The following TMEM117 variants were observed in gnomAD, a reference collection of about 807,000 sequenced individuals.
The protein encoded by TMEM117 is transmembrane protein 117.
In TMEM117, 27 loss-of-function variants were observed where a neutral mutation model predicts 52.4. The ratio of observed to expected loss-of-function variants is 0.51; its 90% CI spans 0.38 to 0.71. TMEM117 has a LOEUF of 0.71. TMEM117 is among the 30% of genes least tolerant of loss of function. The pLI is 0.00. For synonymous variants in TMEM117, 215 were observed against 206.3 expected, an observed-to-expected ratio of 1.04 and a Z score of -0.36; for missense variants, 556 against 630.5, an observed-to-expected ratio of 0.88 and a Z score of 1.26.
chr12:44,135,902 G>T (rs1028533780), intron 3 of TMEM117, among the ~76,000 whole-genome samples: 1 of 152,066 alleles, frequency 6.6e-6, no homozygotes, highest in Admixed American at 6.5e-5. Context: ...ATTGAACTTG[G>T]TTTTTGTTCT....
At chr12:44,291,377 T>TGTTTGTTTG (rs1411872755) in intron 5 of TMEM117, among the ~76,000 whole-genome samples, 1 of 141,216 alleles carries the variant, frequency 7.1e-6, no homozygotes, top group African/African-American at 2.8e-5. Context: ...TCTAACAGTT[T>TGTTTGTTTG]TTTTTTTTTT....
chr12:44,099,431 A>G (rs1186393463), intron 3 of TMEM117, among the ~76,000 whole-genome samples: 2 of 152,202 alleles, frequency 1.3e-5, no homozygotes, highest in East Asian at 1.9e-4. Context: ...ACACTTTTCC[A>G]TAAGATGGTA....
At position 43,937,447 on chromosome 12, in the gene TMEM117, G is replaced by A. The variant is rs144585792; in HGVS notation, c.278-6763G>A. Among the ~76,000 whole-genome samples, 193 of 152,268 alleles carry A rather than the reference G, an allele frequency of 1.3e-3. 1 individual carries two copies. Among genetic ancestry groups the A allele is most frequent in the African/African-American group, 4.4e-3 (183 of 41,564 alleles). The stretch of plus-strand genomic sequence containing the variant: ...CACAGTAGTCAAAATTGGAGAAAAC[G>A]AACTGTAGCTGTACATCAGAGTTGG... On this transcript the variant is annotated intron_variant, in intron 2 of 7. Transcript: ENST00000266534.
intron 3 of TMEM117, among the ~76,000 whole-genome samples, chr12:44,059,454 G>A (rs1005359845): frequency 6.6e-6 from 1 of 152,168 alleles, no homozygotes; most frequent in African/African-American, 2.4e-5. Context: ...ATTTGCTGTA[G>A]CAGATGTATT....
the TMEM117 span, among the ~76,000 whole-genome samples, chr12:43,808,463 G>A: frequency 6.6e-6 from 1 of 152,198 alleles, no homozygotes. Flanking sequence ...CAGGAGGGGA[G>A]ATGGATCTTG....
intron 2 of TMEM117, among the ~76,000 whole-genome samples, chr12:43,882,207 A>G (rs1315696995): frequency 6.6e-6 from 1 of 152,166 alleles, no homozygotes; most frequent in Non-Finnish European, 1.5e-5. Flanking sequence ...GTCTTGGCAT[A>G]GAAATATTAT....
chr12:44,397,961 A>G, the TMEM117 span, among the ~76,000 whole-genome samples: 2 of 151,952 alleles, frequency 1.3e-5, no homozygotes, highest in South Asian at 2.1e-4. Flanking sequence ...GCATTTTACC[A>G]TCAGTTACCT....
intron 3 of TMEM117, among the ~76,000 whole-genome samples, chr12:44,086,967 T>G (rs1947579702): frequency 6.8e-6 from 1 of 147,504 alleles, no homozygotes; most frequent in Non-Finnish European, 1.5e-5. Context: ...AATTAATAAT[T>G]ATAAATTATA....
At chr12:43,805,556 A>T in the TMEM117 span, 1 of 459,412 alleles carries the variant, frequency 2.2e-6, no homozygotes, top group Admixed American at 2.3e-5. Flanking sequence ...CCAGGAAATA[A>T]TGGAGGTCAG....
At chr12:43,835,762 C>G (rs567437704), upstream of TMEM117, among the ~76,000 whole-genome samples, 1 of 152,150 alleles carries the variant, frequency 6.6e-6, no homozygotes, top group African/African-American at 2.4e-5. Context: ...GCAGCTGCCG[C>G]TCTGCAGAGG....
chr12:44,075,025 G>T (rs1241783145), intron 3 of TMEM117, among the ~76,000 whole-genome samples: 1 of 152,182 alleles, frequency 6.6e-6, no homozygotes, highest in East Asian at 1.9e-4. Context: ...CTCAGAAGTT[G>T]AGTTTTTTCA....
intron 3 of TMEM117, among the ~76,000 whole-genome samples, chr12:44,016,811 G>C (rs1043465860): frequency 7.2e-5 from 11 of 152,194 alleles, no homozygotes; most frequent in Admixed American, 3.3e-4. Context: ...TATAATTTAG[G>C]TTGCATCAGT....
chr12:43,845,739 G>T (rs537516990), intron 2 of TMEM117, among the ~76,000 whole-genome samples: 38 of 151,054 alleles, frequency 2.5e-4, no homozygotes, highest in African/African-American at 8.5e-4. Flanking sequence ...TCCCCACCCT[G>T]TGTCCAAGTG....
At chr12:43,865,696 C>CAAAAAAAG (rs529414895) in intron 2 of TMEM117, among the ~76,000 whole-genome samples, 9 of 139,626 alleles carry the variant, frequency 6.4e-5, no homozygotes, top group Admixed American at 2.9e-4. Flanking sequence ...GACTCCGTCC[C>CAAAAAAAG]AAAAAAAGAA....
chr12:43,872,065 T>A (rs1943715409), intron 2 of TMEM117, among the ~76,000 whole-genome samples: 1 of 152,104 alleles, frequency 6.6e-6, no homozygotes, highest in African/African-American at 2.4e-5. Context: ...AGCTAATTCC[T>A]TTTTTACTTT....
At chr12:43,906,465 A>AAC (rs1226780732) in intron 2 of TMEM117, among the ~76,000 whole-genome samples, 1 of 151,424 alleles carries the variant, frequency 6.6e-6, no homozygotes, top group Non-Finnish European at 1.5e-5. Context: ...GCTGTCTCAA[A>AAC]AAAAAAAAAA....
intron 3 of TMEM117, among the ~76,000 whole-genome samples, chr12:43,995,852 T>G (rs1447471480): frequency 1.3e-5 from 2 of 152,252 alleles, no homozygotes; most frequent in Non-Finnish European, 2.9e-5. Context: ...GATGTGATTT[T>G]AATGAATCAT....
chr12:44,200,033 G>A lies in TMEM117; in HGVS notation c.511-11257G>A, dbSNP rs1262130141. Among the ~76,000 whole-genome samples the A allele has an allele frequency of 3.3e-5, 5 of 152,146 alleles. No homozygotes were observed. The East Asian group carries it at 7.7e-4, about 24-fold the overall frequency. ...CACAGGAGGCTGAGAGAGGAGAATC[G>A]GCTTGAACCCTGGAGATGGAGGTTG... On this transcript the variant is annotated intron_variant, in intron 4 of 7. Coordinates refer to ENST00000266534, the MANE Select transcript of TMEM117 (RefSeq NM_032256.3).
intron 2 of TMEM117, among the ~76,000 whole-genome samples, chr12:43,915,921 C>T (rs1293393621): frequency 6.6e-6 from 1 of 152,090 alleles, no homozygotes. Flanking sequence ...TTCAGCACCC[C>T]CCTCAACCTC....
Sources: gnomAD v4.1 joint callset for allele counts (sites outside exome capture counted in the v4.1 genomes callset) on GRCh38, gnomAD v4.1.1 for gene constraint, MANE v1.5 for transcripts, NCBI Gene and HGNC (gene_info 2026-07-23, HGNC 2026-07-21) for gene names.